Variants in ZNF91 observed in about 807,000 individuals in gnomAD.
ZNF91 encodes the protein zinc finger protein 91 (HPF7, HTF10).
A neutral mutation model predicts 12.6 loss-of-function variants in ZNF91; 7 were observed. The observed-to-expected ratio is 0.55, with a 90% confidence interval of 0.31 to 1.04. The LOEUF (loss-of-function observed/expected upper bound fraction) is 1.04. Among genes scored for constraint, ZNF91 ranks in the 50% least tolerant of loss-of-function variants. The probability of loss-of-function intolerance (pLI) is 0.05; values close to 1 mark genes in which losing one functional copy is unlikely to be tolerated. For missense variants in ZNF91, 1,217 were observed against 1,385.4 expected, an observed-to-expected ratio of 0.88 and a Z score of 1.93; for synonymous variants, 453 against 462.6, an observed-to-expected ratio of 0.98 and a Z score of 0.27.
Position 23,358,083 on chromosome 19 carries a change from G to A in ZNF91, c.*1320C>T, listed in dbSNP as rs1056931778. Reference sequence around the variant, plus strand: ...TGTCAGTCCATTATCTTACCAAATAGTGTATTTTTACCATCTTTTACCTAC... The same window carrying A: ...TGTCAGTCCATTATCTTACCAAATAATGTATTTTTACCATCTTTTACCTAC... On this transcript the variant is annotated 3_prime_UTR_variant, in exon 4 of 4. Coordinates refer to ENST00000300619, the MANE Select transcript of ZNF91 (RefSeq NM_003430.4). 1 of 152,102 alleles carries A rather than the reference G, an allele frequency of 6.6e-6. No homozygotes were observed. The highest frequency in any genetic ancestry group is 1.5e-5 in the Non-Finnish European group (1 of 68,008). 9.4% of individuals were successfully genotyped at this position (152,102 alleles called of 1,614,324 possible).
chr19:23,340,974 A>C (rs1968112073), intron 3 of ZNF91, among the ~76,000 whole-genome samples: 1 of 151,964 alleles, frequency 6.6e-6, no homozygotes, highest in South Asian at 2.1e-4. Flanking sequence ...TAACATTACT[A>C]ATCATTTTTC....
chr19:23,337,262 C>A (rs1235226178), downstream of ZNF91, among the ~76,000 whole-genome samples: 1 of 151,812 alleles, frequency 6.6e-6, no homozygotes, highest in Non-Finnish European at 1.5e-5. Context: ...GAAAAGATGA[C>A]CCCGAGCCAA....
At chr19:23,373,951 T>A in intron 2 of ZNF91, 114 bp from the exon 3 acceptor site, 1 of 524,340 alleles carries the variant, frequency 1.9e-6, no homozygotes, top group Non-Finnish European at 3.1e-6. Flanking sequence ...TGTCCCAATA[T>A]ACTAATTTGT....
At chr19:23,388,828 C>T (rs974407808) in intron 1 of ZNF91, among the ~76,000 whole-genome samples, 2 of 149,964 alleles carry the variant, frequency 1.3e-5, no homozygotes, top group Non-Finnish European at 3.0e-5. Context: ...GACCAAAGAT[C>T]ACGCCATTGC....
Position 23,361,954 on chromosome 19 carries a change from C to A in ZNF91, c.1025G>T (p.Arg342Ile), listed in dbSNP as rs374821944. Residue 342 changes from arginine to isoleucine, a missense_variant, in exon 4 of 4, where the codon AGA becomes ATA. This residue lies in a region of ZNF91 where 726 missense variants were observed against 895.5 expected (regional missense o/e 0.81). Coordinates refer to ENST00000300619, the MANE Select transcript of ZNF91 (RefSeq NM_003430.4). Reference sequence around the variant, plus strand: ...GTAGGGTTTCTCTCCAGTATGAATTCTCTTATGTTTAGCAAGGGTTGAAGA... The same window carrying A: ...GTAGGGTTTCTCTCCAGTATGAATTATCTTATGTTTAGCAAGGGTTGAAGA... ...SRSSTLAKHK[R>I]IHTGEKPYKC... is the part of the protein sequence containing the mutation. The A allele has an allele frequency of 1.1e-4, 172 of 1,608,072 alleles. 1 individual carries two copies. In the South Asian group the frequency reaches 1.7e-3, roughly 16 times the overall value.
At chr19:23,355,399 A>G (rs1360367114), downstream of ZNF91, among the ~76,000 whole-genome samples, 2 of 152,216 alleles carry the variant, frequency 1.3e-5, no homozygotes, top group African/African-American at 2.4e-5. Flanking sequence ...TTGGCTAGCC[A>G]CATGTAGAAT....
upstream of ZNF91, among the ~76,000 whole-genome samples, chr19:23,311,918 A>AAG (rs71163484): frequency 1.3e-5 from 2 of 150,838 alleles, no homozygotes; most frequent in Admixed American, 6.6e-5. Flanking sequence ...AAAAAAAAAA[A>AAG]GTACTGTGAC....
intron 1 of ZNF91, among the ~76,000 whole-genome samples, chr19:23,323,757 ATT>A (rs1568368342): frequency 7.9e-6 from 1 of 126,562 alleles, no homozygotes; most frequent in Non-Finnish European, 1.6e-5. Context: ...TCTTTTTCTC[ATT>A]CTTTTCGTCT....
Position 23,362,243 on chromosome 19 carries a change from C to T in ZNF91, c.736G>A (p.Ala246Thr). Reference protein sequence around the residue: ...KPYKCEECGKAFKQLSTLTTH... With the variant: ...KPYKCEECGKTFKQLSTLTTH... ...GTAAGGGTTGAGAGCTGCTTAAAAG[C>T]TTTGCCACATTCTTCACATTTGTAG... Residue 246 changes from alanine to threonine, a missense_variant, in exon 4 of 4, where the codon GCT (alanine) becomes ACT (threonine). This residue lies in a region of ZNF91 where 726 missense variants were observed against 895.5 expected (regional missense o/e 0.81). Transcript: ENST00000300619. The T allele has an allele frequency of 1.1e-5, 18 of 1,614,038 alleles. No individual in the cohort carries two copies. The highest frequency in any genetic ancestry group is 1.5e-5 in the Non-Finnish European group (18 of 1,179,982).
intron 1 of ZNF91, among the ~76,000 whole-genome samples, chr19:23,393,588 C>A (rs534237127): frequency 2.0e-5 from 3 of 152,062 alleles, no homozygotes; most frequent in Non-Finnish European, 2.9e-5. Context: ...ACGAAAAAAA[C>A]GCACAGAGAT....
chr19:23,374,487 G>A (rs1424010617), intron 2 of ZNF91, 151 bp downstream of exon 2: 1 of 767,802 alleles, frequency 1.3e-6, no homozygotes, highest in East Asian at 3.7e-5. Flanking sequence ...GTGAACCTGG[G>A]AGGCAGAGCT....
At chr19:23,390,927 T>A (rs1970046052) in intron 1 of ZNF91, among the ~76,000 whole-genome samples, 1 of 152,218 alleles carries the variant, frequency 6.6e-6, no homozygotes. Context: ...TTCAAGTTGA[T>A]TCCATGTCTT....
intron 3 of ZNF91, among the ~76,000 whole-genome samples, chr19:23,350,163 A>G (rs551533662): frequency 2.6e-4 from 40 of 152,328 alleles, no homozygotes; most frequent in African/African-American, 8.4e-4. Context: ...GGTCAGTTTA[A>G]TATCTCCAAT....
intron 1 of ZNF91, among the ~76,000 whole-genome samples, chr19:23,375,021 G>A (rs1341660171): frequency 1.3e-5 from 2 of 152,044 alleles, no homozygotes; most frequent in Non-Finnish European, 2.9e-5. Flanking sequence ...AAAATTGAGG[G>A]CATAAATATT....
intron 1 of ZNF91, among the ~76,000 whole-genome samples, chr19:23,315,958 G>A (rs1431273001): frequency 1.3e-5 from 2 of 152,112 alleles, no homozygotes; most frequent in African/African-American, 2.4e-5. Context: ...CTCCTCTCCT[G>A]CCTTTGCCCA....
intron 3 of ZNF91, among the ~76,000 whole-genome samples, chr19:23,363,694 T>G (rs2145066292): frequency 6.6e-6 from 1 of 152,254 alleles, no homozygotes; most frequent in Non-Finnish European, 1.5e-5. Flanking sequence ...TTATAAAATT[T>G]TCTGAAAGAA....
upstream of ZNF91, among the ~76,000 whole-genome samples, chr19:23,313,746 T>C (rs1340069831): frequency 6.6e-6 from 1 of 152,196 alleles, no homozygotes; most frequent in African/African-American, 2.4e-5. Context: ...AGTTGGATAA[T>C]TGACTCTCAT....
At chr19:23,351,365 A>G (rs1445723226) in intron 3 of ZNF91, among the ~76,000 whole-genome samples, 11 of 151,964 alleles carry the variant, frequency 7.2e-5, no homozygotes, top group Non-Finnish European at 1.6e-4. Flanking sequence ...GAAAAGAAAA[A>G]TGCTTTCAAT....
intron 1 of ZNF91, among the ~76,000 whole-genome samples, chr19:23,382,747 A>G (rs1969762209): frequency 6.6e-6 from 1 of 152,152 alleles, no homozygotes; most frequent in East Asian, 1.9e-4. Flanking sequence ...CACAAACAAG[A>G]AAATCTAGAA....
Sources: gnomAD v4.1 joint callset for allele counts (sites outside exome capture counted in the v4.1 genomes callset) on GRCh38, gnomAD v4.1.1 for gene constraint, gnomAD v4.1.1 regional missense constraint, MANE v1.5 for transcripts, NCBI Gene and HGNC (gene_info 2026-07-23, HGNC 2026-07-21) for gene names.